The following KATNAL1 variants were observed in gnomAD, a reference collection of about 807,000 sequenced individuals.
KATNAL1 encodes the protein katanin catalytic subunit A1 like 1.
In KATNAL1, 32 loss-of-function variants were observed where a neutral mutation model predicts 55.2. The observed-to-expected ratio is 0.58, with a 90% confidence interval of 0.44 to 0.78. The LOEUF is 0.78. Ranked by LOEUF, KATNAL1 falls within the 30% of genes least tolerant of loss-of-function variation. The pLI is 0.00. For synonymous variants in KATNAL1, 193 were observed against 193.6 expected (o/e 1.00, Z 0.02); for missense variants, 466 against 600.9 (o/e 0.78, Z 2.35).
intron 1 of KATNAL1, chr13:30,296,366 G>C: frequency 1.8e-6 from 2 of 1,130,576 alleles, no homozygotes; most frequent in Admixed American, 3.6e-5. Context: ...CGAAGTGCTG[G>C]GCATCTTGGT....
chr13:30,239,012 CAA>C (rs1327310741), intron 6 of KATNAL1, among the ~76,000 whole-genome samples: 8 of 152,124 alleles, frequency 5.3e-5, no homozygotes. Flanking sequence ...GAGATGATCT[CAA>C]AGACTCATTC....
At position 30,227,411 on chromosome 13, in the gene KATNAL1, C is replaced by A; in HGVS notation, c.1147+1G>T. On this transcript the variant is annotated splice_donor_variant, in intron 9 of 10. Transcript: ENST00000380615. LOFTEE classifies it high-confidence loss of function. The stretch of plus-strand genomic sequence containing the variant: ...AGCTCAAAATAGAGAAGACATCATA[C>A]CTGTTGGGAGAGGTATATATATCCT... 2 of 1,612,860 alleles carry A rather than the reference C, an allele frequency of 1.2e-6. No individual in the cohort carries two copies. Among genetic ancestry groups the A allele is most frequent in the Non-Finnish European group, 1.7e-6 (2 of 1,179,316 alleles).
intron 4 of KATNAL1, among the ~76,000 whole-genome samples, chr13:30,245,237 G>C (rs1877669233): frequency 6.6e-6 from 1 of 152,120 alleles, no homozygotes; most frequent in African/African-American, 2.4e-5. Flanking sequence ...CTGGGATGCA[G>C]GGCTAGTTCA....
intron 1 of KATNAL1, among the ~76,000 whole-genome samples, chr13:30,291,203 G>A (rs1435088036): frequency 1.3e-5 from 2 of 152,204 alleles, no homozygotes; most frequent in East Asian, 1.9e-4. Context: ...TAGGGAATCT[G>A]CAAATAGCTC....
chr13:30,277,638 G>T (rs1410201179), intron 3 of KATNAL1, among the ~76,000 whole-genome samples: 1 of 152,132 alleles, frequency 6.6e-6, no homozygotes, highest in Non-Finnish European at 1.5e-5. Context: ...TTTGCAATCT[G>T]AATATTTATT....
intron 1 of KATNAL1, chr13:30,296,471 A>AGATGCTTG (rs71093038): frequency 2.7e-6 from 2 of 749,532 alleles, no homozygotes; most frequent in Non-Finnish European, 4.9e-6. Context: ...TAATGTGGCA[A>AGATGCTTG]TCTGAGGATT....
intron 1 of KATNAL1, among the ~76,000 whole-genome samples, chr13:30,284,057 A>G (rs1449220050): frequency 6.6e-6 from 1 of 151,938 alleles, no homozygotes; most frequent in Admixed American, 6.6e-5. Flanking sequence ...GATGGGTTTC[A>G]CTGTGTTGGC....
intron 6 of KATNAL1, among the ~76,000 whole-genome samples, chr13:30,234,156 C>CACGAGCCCCAAAAGTATGT (rs1365621588): frequency 1.3e-5 from 2 of 152,130 alleles, no homozygotes; most frequent in African/African-American, 4.8e-5. Flanking sequence ...ATTAAATTAT[C>CACGAGCCCCAAAAGTATGT]ACGAGCCCCA....
chr13:30,221,731 G>A (rs1447518140), intron 9 of KATNAL1, among the ~76,000 whole-genome samples: 1 of 152,160 alleles, frequency 6.6e-6, no homozygotes, highest in African/African-American at 2.4e-5. Flanking sequence ...CAACTTGGCT[G>A]GGCAATGGTG....
chr13:30,228,359 G>A (rs1169019029), intron 8 of KATNAL1, among the ~76,000 whole-genome samples: 1 of 152,152 alleles, frequency 6.6e-6, no homozygotes, highest in Non-Finnish European at 1.5e-5. Context: ...TGGTTCTGTT[G>A]TTCAGGCTGG....
intron 9 of KATNAL1, among the ~76,000 whole-genome samples, chr13:30,222,163 A>ATG (rs1217517613): frequency 6.6e-6 from 1 of 152,192 alleles, no homozygotes; most frequent in Non-Finnish European, 1.5e-5. Flanking sequence ...GCCCTTCCTA[A>ATG]TGTGGGTGGG....
At chr13:30,242,565 G>C (rs1051390977) in intron 4 of KATNAL1, among the ~76,000 whole-genome samples, 1 of 152,164 alleles carries the variant, frequency 6.6e-6, no homozygotes, top group Non-Finnish European at 1.5e-5. Context: ...GAAAAAACCT[G>C]AGTAGCCAGT....
rs1301196767 is a variant in KATNAL1 at position 30,231,314 on chromosome 13, C to T, written c.885G>A (p.Met295Ile). ...GAAATCTGAATATATCGTCACTCAC[C>T]ATCTCAAACAACAGACGAACTAACT... is the stretch of plus-strand genomic sequence containing the variant. ...SEKLVRLLFEMARFYAPTTIF... is the reference protein window; with the variant it reads ...SEKLVRLLFEIARFYAPTTIF... Residue 295 changes from methionine (M) to isoleucine (I), a missense_variant and splice_region_variant, in exon 7 of 11, where the codon ATG (methionine) becomes ATA (isoleucine). By Grantham distance (10) the Met-to-Ile change is conservative. Around this residue, in one of 3 missense-constraint regions of KATNAL1, gnomAD observed 213 missense variants for 308.6 expected, o/e 0.69. Transcript: ENST00000380615. 6.2e-7 allele frequency: 1 copy of T among 1,603,404 alleles called. No individual in the cohort carries two copies.
intron 3 of KATNAL1, among the ~76,000 whole-genome samples, chr13:30,272,840 A>C (rs1880484224): frequency 6.6e-6 from 1 of 152,248 alleles, no homozygotes; most frequent in Non-Finnish European, 1.5e-5. Flanking sequence ...AACACACTGG[A>C]TCAGAATTTA....
rs552305492 is a variant in KATNAL1, at chr13:30,261,494, T to C, written c.324-5879A>G. Among the ~76,000 whole-genome samples, 472 of 152,242 alleles carry C rather than the reference T, an allele frequency of 3.1e-3. 2 individuals carry two copies. Among genetic ancestry groups the C allele is most frequent in the African/African-American group, 0.011 (449 of 41,536 alleles). The stretch of plus-strand genomic sequence containing the variant: ...CCCATCTCACGTGCAGAGACACACA[T>C]AGGCTCAAAATAAAAGGATGGAGGA... On this transcript the variant is annotated intron_variant, in intron 3 of 10. Coordinates refer to ENST00000380615, the MANE Select transcript of KATNAL1 (RefSeq NM_032116.5).
At position 30,302,625 on chromosome 13, in the gene KATNAL1, T is replaced by C. The variant is rs560830687; in HGVS notation, c.-15+4706A>G. Reference sequence around the variant, plus strand: ...TTGAAATACAGCAAATGAAGTTATATTGTTTGTCCCTCAAACACGTAAAAG... The same window carrying C: ...TTGAAATACAGCAAATGAAGTTATACTGTTTGTCCCTCAAACACGTAAAAG... On this transcript the variant is annotated intron_variant, in intron 1 of 10. Transcript: ENST00000380615. Among the ~76,000 whole-genome samples the C allele has an allele frequency of 1.3e-3, 198 of 152,360 alleles. 4 individuals are homozygous for C. The highest frequency in any genetic ancestry group is 3.1e-4 in the Non-Finnish European group (21 of 68,028).
intron 9 of KATNAL1, among the ~76,000 whole-genome samples, chr13:30,221,558 C>A (rs1324768414): frequency 1.3e-5 from 2 of 152,158 alleles, no homozygotes; most frequent in Admixed American, 6.5e-5. Context: ...CTGACAAAAA[C>A]TATAAAGTGG....
chr13:30,231,812 G>C (rs978325204), intron 6 of KATNAL1, among the ~76,000 whole-genome samples: 2 of 152,098 alleles, frequency 1.3e-5, no homozygotes, highest in African/African-American at 4.8e-5. Flanking sequence ...CAACTGTTCT[G>C]TTTACACATA....
At chr13:30,237,902 C>T (rs955221402) in intron 6 of KATNAL1, among the ~76,000 whole-genome samples, 1 of 152,186 alleles carries the variant, frequency 6.6e-6, no homozygotes, top group Admixed American at 6.5e-5. Flanking sequence ...CTTCTTGACA[C>T]ATATATTACA....
Sources: gnomAD v4.1 joint callset for allele counts (sites outside exome capture counted in the v4.1 genomes callset) on GRCh38, gnomAD v4.1.1 for gene constraint, gnomAD v4.1.1 regional missense constraint, MANE v1.5 for transcripts, NCBI Gene and HGNC (gene_info 2026-07-23, HGNC 2026-07-21) for gene names.